CDCA5: variants seen among roughly 807,000 people sequenced by gnomAD.
The protein encoded by CDCA5 is cell division cycle associated 5.
In CDCA5, 14 loss-of-function variants were observed where a neutral mutation model predicts 25.7. That is an observed-to-expected ratio of 0.54 (90% CI 0.36 to 0.85). The LOEUF is 0.85. Ranked by LOEUF, CDCA5 falls within the 40% of genes least tolerant of loss-of-function variation. The pLI, the probability that CDCA5 is intolerant of heterozygous loss-of-function variation, is 0.01. For synonymous variants in CDCA5, 127 were observed against 128.7 expected, an observed-to-expected ratio of 0.99 and a Z score of 0.09; for missense variants, 307 against 324.5, an observed-to-expected ratio of 0.95 and a Z score of 0.41.
chr11:65,069,226 C>A (rs1279629942), intron 1 of CDCA5, among the ~76,000 whole-genome samples: 2 of 105,168 alleles, frequency 1.9e-5, no homozygotes, highest in African/African-American at 7.7e-5. Flanking sequence ...GGCTTCAGAG[C>A]GAGACTCTCA....
At chr11:65,083,275 C>T in intron 4 of CDCA5, 89 bp downstream of exon 4, 1 of 1,499,994 alleles carries the variant, frequency 6.7e-7, no homozygotes, top group Non-Finnish European at 9.3e-7. Flanking sequence ...CAAAACAGCT[C>T]CCTGGGCAGA....
intron 3 of CDCA5, chr11:65,067,991 A>G (rs577409049): frequency 1.3e-6 from 1 of 745,982 alleles, no homozygotes; most frequent in African/African-American, 2.0e-5. Context: ...CTGCATGGGC[A>G]CTCTCTCTCT....
downstream of CDCA5, among the ~76,000 whole-genome samples, chr11:65,063,233 C>T (rs538820967): frequency 2.6e-5 from 4 of 152,342 alleles, no homozygotes; most frequent in East Asian, 7.7e-4. Context: ...ATCTAACAGA[C>T]TTTCAGTGCT....
chr11:65,065,703 A>C (rs1429695677), downstream of CDCA5, among the ~76,000 whole-genome samples: 1 of 152,118 alleles, frequency 6.6e-6, no homozygotes, highest in Admixed American at 6.5e-5. Flanking sequence ...TATACGTGTC[A>C]GTTTTTTGTA....
chr11:65,079,213 G>C lies in CDCA5; in HGVS notation c.679-26C>G, dbSNP rs763391704. 9 of 1,543,544 alleles carry C rather than the reference G, an allele frequency of 5.8e-6. No homozygotes were observed. The East Asian group carries it at 2.0e-4, about 35-fold the overall frequency. On this transcript the variant is annotated intron_variant, in intron 5 of 5. Coordinates refer to ENST00000275517, the MANE Select transcript of CDCA5 (RefSeq NM_080668.4). ...CTGAGGGAAGAGAAATGAGGAGCAG[G>C]TGAGTGAGAAGGGAACATGGTGGCT...
At chr11:65,069,863 T>C (rs1425325615) in intron 1 of CDCA5, among the ~76,000 whole-genome samples, 1 of 152,204 alleles carries the variant, frequency 6.6e-6, no homozygotes, top group Non-Finnish European at 1.5e-5. Flanking sequence ...TGGGAACATA[T>C]AGATGGACAC....
chr11:65,079,148 C>T lies in CDCA5; in HGVS notation c.718G>A (p.Glu240Lys), dbSNP rs372545623. 9 of 1,522,558 alleles carry T rather than the reference C, an allele frequency of 5.9e-6. No homozygotes were observed. The South Asian group carries it at 1.1e-4, about 18-fold the overall frequency. The allele number at this position is 1,522,558 out of a possible 1,614,324, so 94.3% of individuals were successfully genotyped here. Residue 240 changes from glutamate to lysine, a missense_variant, in exon 6 of 6, where the codon GAG becomes AAG. Glu to Lys is a moderately conservative substitution (Grantham distance 56, BLOSUM62 1). Coordinates refer to ENST00000275517, the MANE Select transcript of CDCA5 (RefSeq NM_080668.4). ...LDEWAAAMNA[E>K]FEAAEQFDLL... ...TCAAACTGCTCAGCAGCTTCAAACT[C>T]GGCATTCATGGCCGCAGCCCACTCA... is the stretch of plus-strand genomic sequence containing the variant.
At chr11:65,063,684 G>T (rs1426108285), downstream of CDCA5, among the ~76,000 whole-genome samples, 2 of 152,208 alleles carry the variant, frequency 1.3e-5, no homozygotes, top group African/African-American at 2.4e-5. Context: ...GAGAAATGGT[G>T]CCAGCCAGAC....
chr11:65,070,522 C>T (rs927630167), intron 1 of CDCA5, among the ~76,000 whole-genome samples: 4 of 152,078 alleles, frequency 2.6e-5, no homozygotes, highest in African/African-American at 9.7e-5. Context: ...CTCACTTTGT[C>T]GCCCAGGCTG....
chr11:65,074,539 C>T (rs992352844), downstream of CDCA5, among the ~76,000 whole-genome samples: 4 of 151,976 alleles, frequency 2.6e-5, 1 homozygote, highest in Admixed American at 2.6e-4. Context: ...CTGCTTTCAA[C>T]TTTCTCTGGT....
At chr11:65,064,417 CAA>C (rs11318233), downstream of CDCA5, among the ~76,000 whole-genome samples, 337 of 86,280 alleles carry the variant, frequency 3.9e-3, 1 homozygote, top group African/African-American at 7.8e-3. Context: ...GACTCTGTCG[CAA>C]AAAAAAAAAA....
At position 65,066,672 on chromosome 11, in the gene CDCA5, A is replaced by C; in HGVS notation, c.443T>G (p.Leu148Ter). The C allele has an allele frequency of 7.8e-7, 1 of 1,288,854 alleles. No individual in the cohort carries two copies. The highest frequency in any genetic ancestry group is 1.0e-6 in the Non-Finnish European group (1 of 988,566). 79.8% of individuals were successfully genotyped at this position (1,288,854 alleles called of 1,614,324 possible). A position where few individuals can be genotyped will look rare whatever the true frequency, so the allele number is the denominator to read the frequency against. ...TCCCTCCTTCAGGCTCTTATACAATAAGGTGGGCTGGACAAAGGGTTGCAG... is the reference window on the plus strand; with the variant it reads ...TCCCTCCTTCAGGCTCTTATACAATCAGGTGGGCTGGACAAAGGGTTGCAG... Residue 148 changes from leucine (L) to a stop codon, truncating the protein, a stop_gained, in exon 6 of 7, where the codon TTA becomes TGA. Transcript: ENST00000525464. LOFTEE classifies it high-confidence loss of function.
At chr11:65,068,255 G>T in intron 2 of CDCA5, 1 of 510,314 alleles carries the variant, frequency 2.0e-6, no homozygotes, top group Non-Finnish European at 3.3e-6. Context: ...CACCCTGTAG[G>T]GAAAGCCTGG....
downstream of CDCA5, among the ~76,000 whole-genome samples, chr11:65,065,057 G>A (rs1465756895): frequency 6.6e-6 from 1 of 152,042 alleles, no homozygotes; most frequent in Non-Finnish European, 1.5e-5. Flanking sequence ...CCTCTTGGCT[G>A]TTGTCTCCCT....
At chr11:65,068,157 C>T (rs956735789) in intron 2 of CDCA5, 11 of 1,215,436 alleles carry the variant, frequency 9.1e-6, no homozygotes, top group African/African-American at 6.2e-5. Flanking sequence ...GAGAGGGTCA[C>T]GGCTGCTCAC....
At chr11:65,083,428 T>C (rs780116424) in intron 3 of CDCA5, 29 bp from the exon 4 acceptor site, 11 of 1,614,166 alleles carry the variant, frequency 6.8e-6, no homozygotes, top group Middle Eastern at 1.6e-4. Context: ...ATTGATCACA[T>C]AGCTGGTCCC....
downstream of CDCA5, among the ~76,000 whole-genome samples, chr11:65,075,513 C>T (rs1185116661): frequency 6.6e-6 from 1 of 151,114 alleles, no homozygotes; most frequent in Non-Finnish European, 1.5e-5. Flanking sequence ...AAGGGAATGA[C>T]CCACAGGAGG....
In CDCA5 at chr11:65,080,185, C is replaced by T. The variant is rs181534585; in HGVS notation, c.244-398G>A. Among the ~76,000 whole-genome samples the T allele has an allele frequency of 4.4e-4, 67 of 152,240 alleles. No homozygotes were observed. In the Middle Eastern group the frequency reaches 0.014, roughly 31 times the overall value. ...GATTACAGGCGTGAGCCACCATGCC[C>T]GGCCAACACACACTTTTTTTAAGGA... On this transcript the variant is annotated intron_variant, in intron 4 of 5. Transcript: ENST00000275517.
chr11:65,072,287 G>A, intron 1 of CDCA5, among the ~76,000 whole-genome samples: 1 of 152,224 alleles, frequency 6.6e-6, no homozygotes, highest in East Asian at 1.9e-4. Context: ...AGAGGGGAAG[G>A]CAGCCTGGTC....
Sources: allele counts gnomAD v4.1 joint callset (sites outside exome capture counted in the v4.1 genomes callset), GRCh38; gene constraint gnomAD v4.1.1; transcripts MANE v1.5; gene names NCBI Gene and HGNC (gene_info 2026-07-23, HGNC 2026-07-21).